The following ARHGAP42 variants were observed in gnomAD, a reference collection of about 807,000 sequenced individuals.
ARHGAP42 encodes the protein rho GTPase-activating protein 42.
In ARHGAP42, 63 loss-of-function variants were observed where a neutral mutation model predicts 125.0. The ratio of observed to expected loss-of-function variants is 0.50; its 90% confidence interval spans 0.41 to 0.62. The LOEUF is 0.62. Ranked by LOEUF, ARHGAP42 falls within the 20% of genes least tolerant of loss-of-function variation. The probability of loss-of-function intolerance (pLI) is 0.00; values close to 1 mark genes in which losing one functional copy is unlikely to be tolerated. For synonymous variants in ARHGAP42, 339 were observed against 351.0 expected (o/e 0.97, Z 0.38); for missense variants, 766 against 1,024.2 (o/e 0.75, Z 3.44).
Position 100,937,608 on chromosome 11 carries a change from G to A in ARHGAP42, c.832+1276G>A, listed in dbSNP as rs111939842. Among the ~76,000 whole-genome samples the A allele has an allele frequency of 5.5e-3, 835 of 152,222 alleles. 10 individuals are homozygous for A. The highest frequency in any genetic ancestry group is 0.019 in the African/African-American group (794 of 41,544). On this transcript the variant is annotated intron_variant, in intron 8 of 23. Coordinates refer to ENST00000298815, the MANE Select transcript of ARHGAP42 (RefSeq NM_152432.4). ...TTTGTTGCCAGTGAGGGCAGTAAACGTGAAAGTGGTAGAGGAGGTACCATC... is the reference window on the plus strand; with the variant it reads ...TTTGTTGCCAGTGAGGGCAGTAAACATGAAAGTGGTAGAGGAGGTACCATC...
At chr11:100,954,766 A>G (rs2509106) in intron 12 of ARHGAP42, among the ~76,000 whole-genome samples, 133,152 of 151,854 alleles carry the variant, frequency 0.88, 58,482 homozygotes, top group East Asian at 1. Flanking sequence ...TGAAAGAAGA[A>G]TTTGGGCCAG....
At chr11:100,768,089 T>C (rs765856740) in intron 1 of ARHGAP42, among the ~76,000 whole-genome samples, 1 of 152,170 alleles carries the variant, frequency 6.6e-6, no homozygotes, top group Non-Finnish European at 1.5e-5. Flanking sequence ...CAGTAAGTCC[T>C]GGCGTTATGT....
At chr11:100,965,465 T>C (rs1428762134) in intron 16 of ARHGAP42, among the ~76,000 whole-genome samples, 1 of 152,174 alleles carries the variant, frequency 6.6e-6, no homozygotes, top group East Asian at 1.9e-4. Flanking sequence ...TGGGCTTCTT[T>C]GGCTTCTCTA....
chr11:100,789,225 T>C (rs1198138917), intron 2 of ARHGAP42, among the ~76,000 whole-genome samples: 2 of 152,254 alleles, frequency 1.3e-5, no homozygotes, highest in African/African-American at 4.8e-5. Context: ...TCTGGACTTA[T>C]AAAATGTAAT....
At chr11:100,717,510 G>A (rs568308292) in intron 1 of ARHGAP42, among the ~76,000 whole-genome samples, 5 of 151,536 alleles carry the variant, frequency 3.3e-5, no homozygotes, top group African/African-American at 4.8e-5. Context: ...GGTGGCGGGC[G>A]CCTGTAATCC....
At chr11:100,869,499 A>G (rs1366997056) in intron 4 of ARHGAP42, among the ~76,000 whole-genome samples, 1 of 151,884 alleles carries the variant, frequency 6.6e-6, no homozygotes, top group South Asian at 2.1e-4. Flanking sequence ...ACACCAATGG[A>G]GAAACAAACC....
intron 1 of ARHGAP42, among the ~76,000 whole-genome samples, chr11:100,716,643 A>C (rs1246615518): frequency 6.6e-6 from 1 of 152,202 alleles, no homozygotes; most frequent in African/African-American, 2.4e-5. Flanking sequence ...ATTATTAGAA[A>C]ATGACTTGAA....
At chr11:100,728,108 A>G (rs1861892038) in intron 1 of ARHGAP42, among the ~76,000 whole-genome samples, 1 of 152,214 alleles carries the variant, frequency 6.6e-6, no homozygotes, top group African/African-American at 2.4e-5. Context: ...GGAGTATAGA[A>G]GAGAAACACA....
chr11:100,722,296 T>C (rs1313255334), intron 1 of ARHGAP42, among the ~76,000 whole-genome samples: 1 of 152,158 alleles, frequency 6.6e-6, no homozygotes, highest in Non-Finnish European at 1.5e-5. Context: ...TGGGTTGTTG[T>C]TTTTCTTATT....
chr11:100,936,362 C>A, intron 8 of ARHGAP42, 30 bp downstream of exon 8: 2 of 1,550,928 alleles, frequency 1.3e-6, no homozygotes, highest in Non-Finnish European at 1.7e-6. Context: ...TTTCACGTCT[C>A]TTATGACTTA....
rs776801663 is a variant in ARHGAP42, at chr11:100,992,509, T to C, written c.*3708T>C. The C allele has an allele frequency of 1.6e-5, 26 of 1,613,996 alleles. No homozygotes were observed. Among genetic ancestry groups the C allele is most frequent in the African/African-American group, 2.7e-5 (2 of 74,942 alleles). ...TCAAGACACTTTTAAGAAACAAAGA[T>C]AGTTTTCTGAACATTCTGTGTCCTG... On this transcript the variant is annotated 3_prime_UTR_variant, in exon 24 of 24. Transcript: ENST00000298815.
chr11:100,905,148 C>G (rs1401398745), intron 4 of ARHGAP42, among the ~76,000 whole-genome samples: 1 of 152,158 alleles, frequency 6.6e-6, no homozygotes, highest in Non-Finnish European at 1.5e-5. Flanking sequence ...CTCCATTTTT[C>G]TCCTTCTCAC....
chr11:100,701,944 T>G (rs1861404326), intron 1 of ARHGAP42, among the ~76,000 whole-genome samples: 1 of 152,128 alleles, frequency 6.6e-6, no homozygotes, highest in Admixed American at 6.5e-5. Flanking sequence ...TCGGACTGTC[T>G]TGGCTTTTCT....
At chr11:100,949,828 T>C in intron 11 of ARHGAP42, 89 bp from the exon 12 acceptor site, 1 of 802,248 alleles carries the variant, frequency 1.2e-6, no homozygotes, top group Admixed American at 3.3e-5. Context: ...GACACTCTTT[T>C]CATCTATTAG....
At chr11:100,974,021 ATACCT>A (rs1295063207) in intron 18 of ARHGAP42, among the ~76,000 whole-genome samples, 3 of 152,150 alleles carry the variant, frequency 2.0e-5, no homozygotes, top group African/African-American at 7.2e-5. Context: ...AGCTCTGCAC[ATACCT>A]TAACCTGCAG....
chr11:100,720,649 G>C (rs181629209), intron 1 of ARHGAP42, among the ~76,000 whole-genome samples: 1 of 150,568 alleles, frequency 6.6e-6, no homozygotes, highest in Non-Finnish European at 1.5e-5. Flanking sequence ...GATATTTAAC[G>C]TTAATTGTAT....
chr11:100,694,549 G>A (rs961701475), intron 1 of ARHGAP42, among the ~76,000 whole-genome samples: 2 of 152,124 alleles, frequency 1.3e-5, no homozygotes, highest in Non-Finnish European at 1.5e-5. Context: ...TTCTAGGCCG[G>A]TGCCAGCCTC....
At chr11:100,972,678 A>G (rs1275177405) in intron 17 of ARHGAP42, among the ~76,000 whole-genome samples, 2 of 152,246 alleles carry the variant, frequency 1.3e-5, no homozygotes, top group African/African-American at 4.8e-5. Flanking sequence ...TTGTGACCTC[A>G]AAATACACGT....
chr11:100,709,034 T>C (rs1861520784), intron 1 of ARHGAP42, among the ~76,000 whole-genome samples: 1 of 152,142 alleles, frequency 6.6e-6, no homozygotes. Flanking sequence ...ATCTGCTACC[T>C]GAGACAGCTC....
Sources: gnomAD v4.1 joint callset for allele counts (sites outside exome capture counted in the v4.1 genomes callset) on GRCh38, gnomAD v4.1.1 for gene constraint, MANE v1.5 for transcripts, NCBI Gene and HGNC (gene_info 2026-07-23, HGNC 2026-07-21) for gene names.